HS3ST4: variants seen among roughly 807,000 people sequenced by gnomAD.
HS3ST4 encodes heparan sulfate-glucosamine 3-sulfotransferase 4, also known as heparan sulfate glucosamine 3-O-sulfotransferase 4.
A neutral mutation model predicts 29.2 loss-of-function variants in HS3ST4; 17 were observed. The observed-to-expected ratio is 0.58, with a 90% CI of 0.40 to 0.87. The LOEUF (loss-of-function observed/expected upper bound fraction) is 0.87. Among genes scored for constraint, HS3ST4 ranks in the 40% least tolerant of loss-of-function variants. The probability of loss-of-function intolerance (pLI) is 0.00; values close to 1 mark genes in which losing one functional copy is unlikely to be tolerated. For missense variants in HS3ST4, 627 were observed against 634.5 expected (o/e 0.99, Z 0.13); for synonymous variants, 314 against 285.7 (o/e 1.10, Z -1.00).
chr16:25,736,771 A>T (rs35454800), intron 1 of HS3ST4, among the ~76,000 whole-genome samples: 2 of 151,952 alleles, frequency 1.3e-5, no homozygotes, highest in African/African-American at 4.8e-5. Context: ...TGTTCCATCA[A>T]ATCTCTTGCA....
rs1899199501 is a variant in HS3ST4, at chr16:26,116,281, G to A, written c.735-19331G>A. ...CATCAAAGCCAGCAGAAAAAAGAGG[G>A]CCAATAGATAAAGTCTGCTAGCAAA... On this transcript the variant is annotated intron_variant, in intron 1 of 1. Transcript: ENST00000331351. Among the ~76,000 whole-genome samples the A allele has an allele frequency of 2.0e-5, 3 of 152,176 alleles. 1 individual carries two copies. The South Asian group carries it at 6.2e-4, about 31-fold the overall frequency.
At chr16:26,025,597 AG>A (rs1247792479) in intron 1 of HS3ST4, among the ~76,000 whole-genome samples, 27 of 152,266 alleles carry the variant, frequency 1.8e-4, no homozygotes, top group African/African-American at 6.5e-4. Context: ...TCTTTATTAG[AG>A]GGTACAGAGG....
chr16:25,700,253 G>A (rs927501118), intron 1 of HS3ST4, among the ~76,000 whole-genome samples: 3 of 152,300 alleles, frequency 2.0e-5, no homozygotes, highest in South Asian at 4.1e-4. Flanking sequence ...AAGAAATGCG[G>A]TAAGGAGGTG....
At chr16:25,731,988 G>A (rs2141593974) in intron 1 of HS3ST4, among the ~76,000 whole-genome samples, 1 of 152,328 alleles carries the variant, frequency 6.6e-6, no homozygotes, top group East Asian at 1.9e-4. Flanking sequence ...CAAAGGAGCA[G>A]TTTAATCACA....
chr16:26,031,085 G>A (rs1250527462), intron 1 of HS3ST4, among the ~76,000 whole-genome samples: 2 of 152,210 alleles, frequency 1.3e-5, no homozygotes, highest in Non-Finnish European at 1.5e-5. Flanking sequence ...CTACAGAGCA[G>A]ACACTGGGTA....
intron 1 of HS3ST4, among the ~76,000 whole-genome samples, chr16:25,713,758 G>T (rs1329564357): frequency 6.6e-6 from 1 of 152,122 alleles, no homozygotes; most frequent in East Asian, 1.9e-4. Flanking sequence ...GTTCTTGCTG[G>T]CTAGCAAGAC....
intron 1 of HS3ST4, among the ~76,000 whole-genome samples, chr16:26,098,272 G>A (rs1482802361): frequency 1.3e-5 from 2 of 152,078 alleles, no homozygotes; most frequent in Admixed American, 6.5e-5. Flanking sequence ...CTACTATAAC[G>A]ACATATGCAC....
chr16:25,842,284 C>T (rs12599099), intron 1 of HS3ST4, among the ~76,000 whole-genome samples: 10,471 of 152,250 alleles, frequency 0.069, 436 homozygotes, highest in East Asian at 0.13. Context: ...TACTTGTAGT[C>T]CTGATATTAA....
At chr16:26,003,439 G>A (rs533525051) in intron 1 of HS3ST4, among the ~76,000 whole-genome samples, 14 of 152,256 alleles carry the variant, frequency 9.2e-5, no homozygotes, top group African/African-American at 3.4e-4. Flanking sequence ...TGGTACTCGA[G>A]GAATGTCTAT....
intron 1 of HS3ST4, among the ~76,000 whole-genome samples, chr16:25,920,358 A>G (rs771037687): frequency 1.3e-5 from 2 of 152,160 alleles, no homozygotes; most frequent in Non-Finnish European, 2.9e-5. Context: ...CGTACTCATT[A>G]TCATACCCTA....
chr16:25,812,582 G>T (rs1000683410), intron 1 of HS3ST4, among the ~76,000 whole-genome samples: 1 of 152,050 alleles, frequency 6.6e-6, no homozygotes, highest in African/African-American at 2.4e-5. Flanking sequence ...AAATATATTA[G>T]TAAGAACAAT....
At chr16:25,945,526 T>C (rs1968617258) in intron 1 of HS3ST4, among the ~76,000 whole-genome samples, 1 of 152,166 alleles carries the variant, frequency 6.6e-6, no homozygotes, top group Non-Finnish European at 1.5e-5. Context: ...AATTGCTGCA[T>C]CACAGTAAAT....
chr16:25,986,116 A>G (rs951288664), intron 1 of HS3ST4, among the ~76,000 whole-genome samples: 4 of 152,188 alleles, frequency 2.6e-5, no homozygotes, highest in African/African-American at 7.2e-5. Context: ...TAAAATTGCC[A>G]GCATCCTCTA....
At chr16:25,905,153 G>A (rs1034956977) in intron 1 of HS3ST4, among the ~76,000 whole-genome samples, 1 of 152,104 alleles carries the variant, frequency 6.6e-6, no homozygotes, top group Non-Finnish European at 1.5e-5. Flanking sequence ...TCTATGAGGA[G>A]CTGGGTGGTA....
At chr16:25,899,751 G>A (rs1294675598) in intron 1 of HS3ST4, among the ~76,000 whole-genome samples, 1 of 112,144 alleles carries the variant, frequency 8.9e-6, no homozygotes, top group East Asian at 2.4e-4. Context: ...CTAAAAAGGT[G>A]TTTTGCTTCT....
At chr16:25,931,381 A>G (rs1173974231) in intron 1 of HS3ST4, among the ~76,000 whole-genome samples, 1 of 152,228 alleles carries the variant, frequency 6.6e-6, no homozygotes, top group Non-Finnish European at 1.5e-5. Context: ...TGCCAGGCCC[A>G]TGGCTTTCAT....
chr16:25,953,496 AATAGGGTGTAAGC>A (rs1272769511), intron 1 of HS3ST4, among the ~76,000 whole-genome samples: 1 of 152,102 alleles, frequency 6.6e-6, no homozygotes, highest in Non-Finnish European at 1.5e-5. Flanking sequence ...AGTTCTGCCC[AATAGGGTGTAAGC>A]AAAGGTATCC....
chr16:25,814,408 G>A (rs576825274), intron 1 of HS3ST4, among the ~76,000 whole-genome samples: 4 of 152,114 alleles, frequency 2.6e-5, no homozygotes, highest in South Asian at 2.1e-4. Flanking sequence ...GTGCAGTGGC[G>A]CAATATCAGC....
intron 1 of HS3ST4, among the ~76,000 whole-genome samples, chr16:26,116,537 T>C (rs1899203528): frequency 6.6e-6 from 1 of 152,124 alleles, no homozygotes; most frequent in Non-Finnish European, 1.5e-5. Context: ...AATAGATTTT[T>C]TAATCAAGTA....
Sources: allele counts gnomAD v4.1 joint callset (sites outside exome capture counted in the v4.1 genomes callset), GRCh38; gene constraint gnomAD v4.1.1; transcripts MANE v1.5; gene names NCBI Gene and HGNC (gene_info 2026-07-23, HGNC 2026-07-21).